NFKB1: variants seen among roughly 807,000 people sequenced by gnomAD.
NFKB1 encodes the protein nuclear factor NF-kappa-B p105 subunit.
A neutral mutation model predicts 105.1 loss-of-function variants in NFKB1; 9 were observed. The observed-to-expected ratio is 0.09, with a 90% CI of 0.05 to 0.15. The LOEUF (loss-of-function observed/expected upper bound fraction) is 0.15. NFKB1 is among the 10% of genes least tolerant of loss of function. NFKB1 has a pLI of 1.00. For missense variants in NFKB1, 830 were observed against 1,203.7 expected, an observed-to-expected ratio of 0.69 and a Z score of 4.59; for synonymous variants, 440 against 442.2, an observed-to-expected ratio of 1.00 and a Z score of 0.06.
At chr4:102,592,340 A>C (rs1304471964) in intron 11 of NFKB1, among the ~76,000 whole-genome samples, 1 of 152,246 alleles carries the variant, frequency 6.6e-6, no homozygotes. Flanking sequence ...ATTGTATACT[A>C]TAGAGAAATC....
intron 5 of NFKB1, among the ~76,000 whole-genome samples, chr4:102,561,255 T>G (rs1162818076): frequency 7.3e-6 from 1 of 137,378 alleles, no homozygotes; most frequent in Admixed American, 7.4e-5. Context: ...TTATTCTCTT[T>G]CTTTCTTTCC....
At chr4:102,554,366 G>A (rs939733600) in intron 5 of NFKB1, among the ~76,000 whole-genome samples, 6 of 152,130 alleles carry the variant, frequency 3.9e-5, no homozygotes, top group Non-Finnish European at 8.8e-5. Context: ...GAAAAGATGT[G>A]CCTGACACAA....
chr4:102,609,231 T>C (rs1728150421), intron 19 of NFKB1, among the ~76,000 whole-genome samples: 1 of 150,178 alleles, frequency 6.7e-6, no homozygotes, highest in Admixed American at 6.6e-5. Flanking sequence ...CAGAATCCCA[T>C]GAAAGGAAAA....
At chr4:102,572,495 CA>C (rs1243965245) in intron 6 of NFKB1, among the ~76,000 whole-genome samples, 1 of 152,072 alleles carries the variant, frequency 6.6e-6, no homozygotes, top group African/African-American at 2.4e-5. Flanking sequence ...AGCAAGTTTA[CA>C]AGGGCAAAAA....
rs562694892 is a variant in NFKB1, at chr4:102,521,368, G to A, written c.-7-4144G>A. ...ATGATGAAAAGCCACCCCTTTTCTT[G>A]TAGTTTCATCCTCATTGCTATCCAA... On this transcript the variant is annotated intron_variant, in intron 1 of 23. Coordinates refer to ENST00000226574, the MANE Select transcript of NFKB1 (RefSeq NM_003998.4). Among the ~76,000 whole-genome samples, 291 of 152,190 alleles carry A rather than the reference G, an allele frequency of 1.9e-3. 2 individuals carry two copies. The highest frequency in any genetic ancestry group is 1.8e-3 in the Non-Finnish European group (121 of 68,002).
intron 1 of NFKB1, among the ~76,000 whole-genome samples, chr4:102,510,317 A>G (rs937658231): frequency 2.0e-5 from 3 of 152,222 alleles, no homozygotes; most frequent in Non-Finnish European, 2.9e-5. Context: ...TGTTTGCTGA[A>G]TAAGTAAATA....
chr4:102,555,757 G>A (rs1203135521), intron 5 of NFKB1, among the ~76,000 whole-genome samples: 3 of 152,202 alleles, frequency 2.0e-5, no homozygotes, highest in Non-Finnish European at 4.4e-5. Flanking sequence ...GGCAAGGGTG[G>A]TAAGAAGGCT....
At chr4:102,547,902 C>G (rs1036922057) in intron 5 of NFKB1, among the ~76,000 whole-genome samples, 1 of 152,102 alleles carries the variant, frequency 6.6e-6, no homozygotes, top group Admixed American at 6.6e-5. Flanking sequence ...CACATGATTT[C>G]TTATGAAAAT....
chr4:102,520,112 A>G (rs537567234), intron 1 of NFKB1, among the ~76,000 whole-genome samples: 10 of 152,318 alleles, frequency 6.6e-5, no homozygotes, highest in African/African-American at 2.4e-4. Context: ...CCACCTATCC[A>G]GCTGTGACAG....
intron 16 of NFKB1, among the ~76,000 whole-genome samples, chr4:102,605,444 G>C (rs1387770874): frequency 6.6e-6 from 1 of 152,206 alleles, no homozygotes; most frequent in Non-Finnish European, 1.5e-5. Context: ...TCAATGAAAA[G>C]GGAATTTTAG....
intron 5 of NFKB1, among the ~76,000 whole-genome samples, chr4:102,556,898 C>CT (rs1234891234): frequency 6.6e-6 from 1 of 151,564 alleles, no homozygotes; most frequent in African/African-American, 2.4e-5. Flanking sequence ...CCAGAAGGGG[C>CT]TTTTTTTTAG....
At chr4:102,516,646 C>G (rs1218677480) in intron 1 of NFKB1, among the ~76,000 whole-genome samples, 1 of 151,834 alleles carries the variant, frequency 6.6e-6, no homozygotes, top group Non-Finnish European at 1.5e-5. Context: ...TTATGTTCAT[C>G]TTTTCCTTTA....
At chr4:102,579,224 T>A (rs1352734668) in intron 8 of NFKB1, among the ~76,000 whole-genome samples, 185 bp downstream of exon 8, 1 of 152,206 alleles carries the variant, frequency 6.6e-6, no homozygotes, top group Non-Finnish European at 1.5e-5. Flanking sequence ...AATGAGGTAT[T>A]TTAAGAGGGG....
intron 14 of NFKB1, among the ~76,000 whole-genome samples, chr4:102,596,970 G>T (rs1726668946): frequency 6.6e-6 from 1 of 151,984 alleles, no homozygotes; most frequent in Non-Finnish European, 1.5e-5. Context: ...ATTAGCTAGG[G>T]AGCTATATGA....
chr4:102,517,689 AT>A (rs1408607375), intron 1 of NFKB1, among the ~76,000 whole-genome samples: 1 of 152,144 alleles, frequency 6.6e-6, no homozygotes, highest in Admixed American at 6.6e-5. Flanking sequence ...AAAATATAGG[AT>A]TTCTTGGCAG....
chr4:102,585,818 C>A (rs935023623), intron 11 of NFKB1, among the ~76,000 whole-genome samples: 1 of 152,036 alleles, frequency 6.6e-6, no homozygotes, highest in Non-Finnish European at 1.5e-5. Context: ...GGGTGTTAAA[C>A]AGAGAAGGAG....
intron 6 of NFKB1, among the ~76,000 whole-genome samples, chr4:102,573,774 G>A (rs1288433744): frequency 1.3e-5 from 2 of 151,874 alleles, no homozygotes; most frequent in East Asian, 3.9e-4. Flanking sequence ...TACTGTGTCT[G>A]CACGTTCACC....
intron 23 of NFKB1, 99 bp from the exon 24 acceptor site, chr4:102,616,335 G>A (rs1451876966): frequency 8.3e-6 from 11 of 1,328,846 alleles, no homozygotes; most frequent in East Asian, 2.3e-5. Context: ...GGGATGTGTG[G>A]CTGGCAGAAG....
In NFKB1 at chr4:102,576,892, A is replaced by G; in HGVS notation, c.424A>G (p.Ile142Val). ...DMVVGFANLG[I>V]LHVTKKKVFE... Reference sequence around the variant, plus strand: ...TTTCTCCAGCTTCGCAAACCTGGGTATACTTCATGTGACAAAGAAAAAAGT... The same window carrying G: ...TTTCTCCAGCTTCGCAAACCTGGGTGTACTTCATGTGACAAAGAAAAAAGT... Residue 142 changes from isoleucine to valine, a missense_variant, in exon 7 of 24, where the codon ATA becomes GTA. Around this residue, in one of 8 missense-constraint regions of NFKB1, gnomAD observed 64 missense variants for 79.9 expected, o/e 0.80. Coordinates refer to ENST00000226574, the MANE Select transcript of NFKB1 (RefSeq NM_003998.4). 2 of 1,612,482 alleles carry G rather than the reference A, an allele frequency of 1.2e-6. No individual in the cohort carries two copies. Among genetic ancestry groups the G allele is most frequent in the Non-Finnish European group, 1.7e-6 (2 of 1,179,498 alleles).
Sources: allele counts gnomAD v4.1 joint callset (sites outside exome capture counted in the v4.1 genomes callset), GRCh38; gene constraint gnomAD v4.1.1; regional missense constraint gnomAD v4.1.1; transcripts MANE v1.5; gene names NCBI Gene and HGNC (gene_info 2026-07-23, HGNC 2026-07-21).